Variants in RALGAPA2 observed in about 807,000 individuals in gnomAD.
The protein encoded by RALGAPA2 is Ral GTPase activating protein catalytic subunit alpha 2.
Under a neutral mutation model 230.4 loss-of-function variants are expected in RALGAPA2, and 139 were observed. The observed-to-expected ratio is 0.60, with a 90% CI of 0.53 to 0.69. The LOEUF is 0.69. Ranked by LOEUF, RALGAPA2 falls within the 30% of genes least tolerant of loss-of-function variation. RALGAPA2 has a pLI of 0.00. For missense variants in RALGAPA2, 2,163 were observed against 2,276.0 expected (o/e 0.95, Z 1.01); for synonymous variants, 847 against 837.8 (o/e 1.01, Z -0.19).
chr20:20,593,951 T>C (rs2065372538), intron 16 of RALGAPA2, among the ~76,000 whole-genome samples: 1 of 152,180 alleles, frequency 6.6e-6, no homozygotes, highest in South Asian at 2.1e-4. Context: ...AGGCTTTGTT[T>C]TTATAAAGCT....
Position 20,505,478 on chromosome 20 carries a change from C to T in RALGAPA2, c.4985G>A (p.Cys1662Tyr), listed in dbSNP as rs748520773. ...TCCTCTTTCATTAGAGAGGATTGAA[C>T]ACTTGTCTTCTTGACCTTCAGCAAT... ...FYIAEGQEDK[C>Y]SILSNERGSQ... is the part of the protein sequence containing the mutation. Residue 1662 changes from cysteine (C) to tyrosine (Y), a missense_variant, in exon 34 of 40, where the codon TGT becomes TAT. By Grantham distance (194) the Cys-to-Tyr change is radical. Coordinates refer to ENST00000202677, the MANE Select transcript of RALGAPA2 (RefSeq NM_020343.4). 13 of 1,604,966 alleles carry T rather than the reference C, an allele frequency of 8.1e-6. No homozygotes were observed. Among genetic ancestry groups the T allele is most frequent in the South Asian group, 1.1e-5 (1 of 89,440 alleles).
At position 20,472,838 on chromosome 20, in the gene RALGAPA2, T is replaced by C; in HGVS notation, c.5486A>G (p.Tyr1829Cys). 1 of 1,612,630 alleles carries C rather than the reference T, an allele frequency of 6.2e-7. No homozygotes were observed. The highest frequency in any genetic ancestry group is 1.1e-5 in the South Asian group (1 of 90,818). ...TAAAGCAAAAAGATACAAGCTCTGG[T>C]AGAGTGGGATGAGGCACTTCACAGC... ...SRAVKCLIPL[Y>C]QSFYEERALY... The change falls in exon 37 of 40, where the codon TAC (tyrosine) becomes TGC (cysteine). Residue 1829 changes from tyrosine (Y) to cysteine (C), a missense_variant. Coordinates refer to ENST00000202677, the MANE Select transcript of RALGAPA2 (RefSeq NM_020343.4).
intron 37 of RALGAPA2, among the ~76,000 whole-genome samples, chr20:20,455,801 G>A (rs773884184): frequency 1.3e-5 from 2 of 152,254 alleles, no homozygotes; most frequent in South Asian, 4.1e-4. Flanking sequence ...AAATCTCAAT[G>A]ATACAATTTA....
intron 23 of RALGAPA2, among the ~76,000 whole-genome samples, chr20:20,547,101 T>C (rs1354137155): frequency 6.6e-6 from 1 of 152,150 alleles, no homozygotes; most frequent in East Asian, 1.9e-4. Flanking sequence ...CTGTCTTCCG[T>C]GTAAAGGTAG....
At chr20:20,574,827 T>C (rs1002743644) in intron 20 of RALGAPA2, among the ~76,000 whole-genome samples, 4 of 152,194 alleles carry the variant, frequency 2.6e-5, no homozygotes, top group Admixed American at 6.6e-5. Context: ...TTTTAAATTC[T>C]GGATTCCACA....
At chr20:20,666,148 G>A (rs2067950755) in intron 3 of RALGAPA2, among the ~76,000 whole-genome samples, 1 of 152,186 alleles carries the variant, frequency 6.6e-6, no homozygotes, top group Non-Finnish European at 1.5e-5. Context: ...TCTTAGTCAT[G>A]CTAACTAGAG....
At chr20:20,452,810 C>G (rs1388454799) in intron 37 of RALGAPA2, among the ~76,000 whole-genome samples, 1 of 152,204 alleles carries the variant, frequency 6.6e-6, no homozygotes, top group Admixed American at 6.5e-5. Context: ...TAAATCCGAC[C>G]AACAGATCCA....
At chr20:20,508,947 AG>A (rs1212217209) in intron 33 of RALGAPA2, among the ~76,000 whole-genome samples, 1 of 152,244 alleles carries the variant, frequency 6.6e-6, no homozygotes, top group African/African-American at 2.4e-5. Flanking sequence ...ACAGTACCCC[AG>A]GGAGCTAATT....
chr20:20,558,074 G>A (rs1459182150), intron 23 of RALGAPA2, among the ~76,000 whole-genome samples: 5 of 151,746 alleles, frequency 3.3e-5, no homozygotes, highest in Admixed American at 2.6e-4. Flanking sequence ...GCGCAATCTC[G>A]GCTCACTGCA....
intron 26 of RALGAPA2, among the ~76,000 whole-genome samples, chr20:20,532,865 A>AG (rs2063402218): frequency 6.6e-6 from 1 of 152,170 alleles, no homozygotes; most frequent in Non-Finnish European, 1.5e-5. Context: ...GAGCAAAATT[A>AG]GGGAATTATG....
intron 16 of RALGAPA2, among the ~76,000 whole-genome samples, chr20:20,598,037 C>G (rs1018861133): frequency 2.0e-5 from 3 of 151,924 alleles, no homozygotes; most frequent in Non-Finnish European, 2.9e-5. Flanking sequence ...GTAAGTAGGC[C>G]AAAAATGACT....
chr20:20,397,450 C>A (rs986657038), intron 38 of RALGAPA2, among the ~76,000 whole-genome samples: 1 of 152,208 alleles, frequency 6.6e-6, no homozygotes, highest in Non-Finnish European at 1.5e-5. Flanking sequence ...ACCCCTTCCA[C>A]GCCATCCTAT....
At chr20:20,459,539 G>A (rs1447500225) in intron 37 of RALGAPA2, among the ~76,000 whole-genome samples, 1 of 151,646 alleles carries the variant, frequency 6.6e-6, no homozygotes, top group African/African-American at 2.4e-5. Context: ...AGTGAGGACT[G>A]CGACAGTCCG....
chr20:20,509,159 T>G (rs767504179), intron 33 of RALGAPA2, among the ~76,000 whole-genome samples: 17 of 152,210 alleles, frequency 1.1e-4, no homozygotes, highest in Non-Finnish European at 2.2e-4. Flanking sequence ...TTCTTCAGAA[T>G]AAATCCCTTA....
chr20:20,394,000 C>G (rs1418950641), intron 39 of RALGAPA2, among the ~76,000 whole-genome samples: 1 of 152,114 alleles, frequency 6.6e-6, no homozygotes, highest in Non-Finnish European at 1.5e-5. Flanking sequence ...TTTTTAAACC[C>G]TGTTGTATTA....
At chr20:20,462,080 C>T (rs576272960) in intron 37 of RALGAPA2, among the ~76,000 whole-genome samples, 9 of 151,934 alleles carry the variant, frequency 5.9e-5, no homozygotes, top group Admixed American at 1.3e-4. Flanking sequence ...GATTGAAGAC[C>T]GAAATAAAGC....
In RALGAPA2 at chr20:20,589,289, C is replaced by T. The variant is rs2065219193; in HGVS notation, c.2418G>A (p.Lys806=). The T allele has an allele frequency of 6.3e-7, 1 of 1,580,680 alleles. No individual in the cohort carries two copies. The highest frequency in any genetic ancestry group is 8.6e-7 in the Non-Finnish European group (1 of 1,161,432). The change falls in exon 18 of 40, where the codon AAG becomes AAA. Residue 806 remains lysine (K), a synonymous_variant. Coordinates refer to ENST00000202677, the MANE Select transcript of RALGAPA2 (RefSeq NM_020343.4). ...QPIQENKGHV[K]REHEGITILV... is the part of the protein sequence containing the mutation. ...TTACTGTTATTCCTTCATGTTCTCT[C>T]TTCACATGTCCTTTATTCTCTTGAA...
At chr20:20,535,644 C>T (rs2063476823) in intron 26 of RALGAPA2, 101 bp downstream of exon 26, 3 of 1,439,098 alleles carry the variant, frequency 2.1e-6, no homozygotes, top group Non-Finnish European at 2.8e-6. Flanking sequence ...TGTATAAGAG[C>T]TATGTGAAAG....
intron 3 of RALGAPA2, among the ~76,000 whole-genome samples, chr20:20,660,938 A>AG (rs2067756494): frequency 1.3e-5 from 2 of 152,172 alleles, no homozygotes; most frequent in Admixed American, 6.5e-5. Context: ...AACCAAATGC[A>AG]GGGTCTGTCA....
Sources: allele counts gnomAD v4.1 joint callset (sites outside exome capture counted in the v4.1 genomes callset), GRCh38; gene constraint gnomAD v4.1.1; transcripts MANE v1.5; gene names NCBI Gene and HGNC (gene_info 2026-07-23, HGNC 2026-07-21).